The following DCC variants were observed in gnomAD, a reference collection of about 807,000 sequenced individuals.
DCC encodes the protein DCC netrin 1 receptor, also known as netrin receptor DCC.
DCC carries 58 observed loss-of-function variants against 172.5 expected under a neutral mutation model. The observed-to-expected ratio is 0.34, with a 90% CI of 0.27 to 0.42. DCC has a LOEUF of 0.42. Ranked by LOEUF, DCC falls within the 10% of genes least tolerant of loss-of-function variation. DCC has a pLI of 1.00. For synonymous variants in DCC, 709 were observed against 644.5 expected, an observed-to-expected ratio of 1.10 and a Z score of -1.52; for missense variants, 1,740 against 1,791.0, an observed-to-expected ratio of 0.97 and a Z score of 0.51.
intron 12 of DCC, among the ~76,000 whole-genome samples, chr18:53,263,314 G>T (rs1441537058): frequency 6.6e-6 from 1 of 151,984 alleles, no homozygotes; most frequent in Non-Finnish European, 1.5e-5. Flanking sequence ...ACCATGTCTG[G>T]CTAATTTTTA....
At chr18:53,091,855 C>CTATA (rs1460616255) in intron 7 of DCC, among the ~76,000 whole-genome samples, 1 of 67,934 alleles carries the variant, frequency 1.5e-5, no homozygotes, top group African/African-American at 6.4e-5. Context: ...ATCTATCAAT[C>CTATA]TATCTATATA....
chr18:52,558,788 A>T (rs2144735866), intron 1 of DCC, among the ~76,000 whole-genome samples: 1 of 152,312 alleles, frequency 6.6e-6, no homozygotes. Flanking sequence ...AGCATCTGAG[A>T]TGGAAAAGGC....
In DCC at chr18:53,501,324, T is replaced by A. The variant is rs1266113893; in HGVS notation, c.4111+1814T>A. ...ACACAGAGAATTTAAGTAGCTTAAG[T>A]CTACATAGCAAGTAAGTAATGCATC... On this transcript the variant is annotated intron_variant, in intron 27 of 28. Transcript: ENST00000442544. Among the ~76,000 whole-genome samples the A allele has an allele frequency of 1.3e-5, 2 of 152,170 alleles. 1 individual carries two copies. Among genetic ancestry groups the A allele is most frequent in the South Asian group, 4.1e-4 (2 of 4,838 alleles).
At chr18:53,501,462 A>AAATC (rs1181005673) in intron 27 of DCC, among the ~76,000 whole-genome samples, 1 of 152,206 alleles carries the variant, frequency 6.6e-6, no homozygotes, top group Admixed American at 6.5e-5. Context: ...TCATTAAATT[A>AAATC]AATCATTAGA....
intron 15 of DCC, among the ~76,000 whole-genome samples, chr18:53,352,337 C>T (rs1199716088): frequency 6.6e-6 from 1 of 152,102 alleles, no homozygotes; most frequent in Non-Finnish European, 1.5e-5. Flanking sequence ...AATGCTGTAT[C>T]TGGGCATTTT....
intron 5 of DCC, among the ~76,000 whole-genome samples, chr18:52,940,257 T>A (rs373391205): frequency 6.6e-6 from 1 of 152,122 alleles, no homozygotes; most frequent in South Asian, 2.1e-4. Context: ...GGATCTCTTA[T>A]TAAAATTGGA....
intron 1 of DCC, among the ~76,000 whole-genome samples, chr18:52,611,229 C>A (rs181583462): frequency 6.6e-6 from 1 of 152,028 alleles, no homozygotes; most frequent in African/African-American, 2.4e-5. Context: ...GCCTATACCC[C>A]GCACCTGGAA....
At chr18:53,199,499 T>C (rs1022991575) in intron 9 of DCC, among the ~76,000 whole-genome samples, 2 of 152,094 alleles carry the variant, frequency 1.3e-5, no homozygotes, top group African/African-American at 4.8e-5. Context: ...AAAATATACT[T>C]TATGGATATG....
chr18:53,372,372 C>T (rs1375440223), intron 15 of DCC, among the ~76,000 whole-genome samples: 1 of 152,066 alleles, frequency 6.6e-6, no homozygotes, highest in Admixed American at 6.6e-5. Flanking sequence ...AAACCAAATA[C>T]TACATGTTCT....
intron 22 of DCC, among the ~76,000 whole-genome samples, chr18:53,446,124 A>AACAAAAAAC (rs369426007): frequency 1.7e-5 from 2 of 117,288 alleles, no homozygotes; most frequent in South Asian, 2.8e-4. Flanking sequence ...ACAAAAAAAA[A>AACAAAAAAC]CACTTAAAAA....
chr18:53,325,165 C>T (rs2057452945), intron 14 of DCC, among the ~76,000 whole-genome samples: 1 of 140,296 alleles, frequency 7.1e-6, no homozygotes, highest in East Asian at 2.1e-4. Context: ...TGCACTCCAG[C>T]CTGTGAGACA....
intron 1 of DCC, among the ~76,000 whole-genome samples, chr18:52,711,058 G>A (rs1568056886): frequency 6.6e-6 from 1 of 152,122 alleles, no homozygotes; most frequent in Non-Finnish European, 1.5e-5. Context: ...GCACATGAAA[G>A]CCAAAGAGTT....
chr18:53,227,279 G>A (rs776709903), intron 12 of DCC, among the ~76,000 whole-genome samples: 1 of 151,858 alleles, frequency 6.6e-6, no homozygotes, highest in South Asian at 2.1e-4. Context: ...AACTTCTTTA[G>A]ATACTAAACT....
intron 1 of DCC, among the ~76,000 whole-genome samples, chr18:52,708,456 A>G (rs1568055240): frequency 6.6e-6 from 1 of 151,936 alleles, no homozygotes; most frequent in African/African-American, 2.4e-5. Flanking sequence ...AAAAAAAAAA[A>G]AAATTATAAT....
At chr18:53,243,712 T>A (rs568219724) in intron 12 of DCC, among the ~76,000 whole-genome samples, 1 of 152,152 alleles carries the variant, frequency 6.6e-6, no homozygotes, top group Admixed American at 6.6e-5. Flanking sequence ...CCTCTGAGAT[T>A]ATCATGGAGT....
intron 27 of DCC, among the ~76,000 whole-genome samples, chr18:53,510,018 C>T (rs2046231094): frequency 6.6e-6 from 1 of 152,148 alleles, no homozygotes; most frequent in African/African-American, 2.4e-5. Context: ...CCTTCTTCTG[C>T]AACAATCTCT....
At chr18:53,523,837 G>C (rs888563051) in intron 27 of DCC, among the ~76,000 whole-genome samples, 1 of 151,950 alleles carries the variant, frequency 6.6e-6, no homozygotes, top group South Asian at 2.1e-4. Context: ...AACCACCATG[G>C]CACATGTATA....
At position 53,526,637 on chromosome 18, in the gene DCC, C is replaced by T. The variant is rs201838905; in HGVS notation, c.4132C>T (p.His1378Tyr). 4 of 1,613,400 alleles carry T rather than the reference C, an allele frequency of 2.5e-6. No individual in the cohort carries two copies. The highest frequency in any genetic ancestry group is 3.4e-6 in the Non-Finnish European group (4 of 1,179,656). ...SQPGPTLPKT[H>Y]VKTASLGLAG... is the part of the protein sequence containing the mutation. ...TTCAGGGCCCACTCTTCCTAAGACC[C>T]ATGTGAAAACAGCCTCCCTTGGGTT... The change falls in exon 28 of 29, where the codon CAT becomes TAT. Residue 1378 changes from histidine (H) to tyrosine (Y), a missense_variant. His to Tyr is a moderately conservative substitution (Grantham distance 83). Around this residue, in one of 2 missense-constraint regions of DCC, gnomAD observed 1,732 missense variants for 1,767.4 expected, o/e 0.98. Transcript: ENST00000442544.
intron 1 of DCC, among the ~76,000 whole-genome samples, chr18:52,378,957 G>A (rs193104032): frequency 6.6e-5 from 10 of 152,192 alleles, no homozygotes; most frequent in Admixed American, 2.6e-4. Flanking sequence ...TTTCTATAGC[G>A]AGTTTTGTGT....
Sources: allele counts gnomAD v4.1 joint callset (sites outside exome capture counted in the v4.1 genomes callset), GRCh38; gene constraint gnomAD v4.1.1; regional missense constraint gnomAD v4.1.1; transcripts MANE v1.5; gene names NCBI Gene and HGNC (gene_info 2026-07-23, HGNC 2026-07-21).